TPCN2: variants seen among roughly 807,000 people sequenced by gnomAD.
The protein encoded by TPCN2 is two pore channel protein 2.
A neutral mutation model predicts 111.4 loss-of-function variants in TPCN2; 92 were observed. The ratio of observed to expected loss-of-function variants is 0.83; its 90% CI spans 0.70 to 0.98. The LOEUF (loss-of-function observed/expected upper bound fraction) is 0.98. TPCN2 is among the 50% of genes least tolerant of loss of function. TPCN2 has a pLI of 0.00. For synonymous variants in TPCN2, 405 were observed against 414.5 expected (o/e 0.98, Z 0.28); for missense variants, 995 against 980.1 (o/e 1.02, Z -0.20).
At chr11:69,054,185 A>G (rs1307645316) in intron 2 of TPCN2, 88 bp downstream of exon 2, 2 of 1,061,360 alleles carry the variant, frequency 1.9e-6, no homozygotes, top group African/African-American at 3.1e-5. Flanking sequence ...GACTGGGTCC[A>G]AGGCCTCCAT....
chr11:69,064,025 A>AG, intron 7 of TPCN2, 58 bp downstream of exon 7: 1 of 1,549,118 alleles, frequency 6.5e-7, no homozygotes, highest in East Asian at 2.3e-5. Flanking sequence ...TGACTAACAG[A>AG]GGGGGCTGGG....
rs1243125526 is a variant in TPCN2, at chr11:69,089,987, T to G, written c.*2034T>G. The G allele has an allele frequency of 6.6e-6, 1 of 152,358 alleles. No homozygotes were observed. 9.4% of individuals were successfully genotyped at this position (152,358 alleles called of 1,614,324 possible). A position where few individuals can be genotyped will look rare whatever the true frequency, so the allele number is the denominator to read the frequency against. ...TCTGGTGCAAAAAGATGTTCAAGCC[T>G]TATTTTATACTTGCCTGCCCCTTTC... On this transcript the variant is annotated 3_prime_UTR_variant, in exon 25 of 25. Coordinates refer to ENST00000294309, the MANE Select transcript of TPCN2 (RefSeq NM_139075.4).
chr11:69,082,577 T>C (rs1184953093), intron 18 of TPCN2, among the ~76,000 whole-genome samples: 1 of 149,880 alleles, frequency 6.7e-6, no homozygotes, highest in Admixed American at 6.6e-5. Flanking sequence ...TGATCGTGTG[T>C]GCACACATCG....
chr11:69,084,113 G>A (rs539014400), intron 19 of TPCN2, 97 bp downstream of exon 19: 22 of 1,266,098 alleles, frequency 1.7e-5, no homozygotes, highest in African/African-American at 7.3e-5. Flanking sequence ...CTGCTCTGTC[G>A]GTAGGAAGGT....
intron 23 of TPCN2, 125 bp downstream of exon 23, chr11:69,086,729 G>T (rs1017629778): frequency 5.5e-6 from 5 of 912,650 alleles, no homozygotes; most frequent in African/African-American, 4.9e-5. Flanking sequence ...TGGGTTAGGC[G>T]GGTCCTGAGT....
chr11:69,075,477 C>T (rs569863342), intron 13 of TPCN2, among the ~76,000 whole-genome samples: 74 of 152,312 alleles, frequency 4.9e-4, no homozygotes, highest in Non-Finnish European at 7.1e-4. Context: ...GTACATGCTC[C>T]GTACAGATGC....
chr11:69,087,148 C>A lies in TPCN2; in HGVS notation c.2122C>A (p.Gln708Lys). ...LHKWDPRSHL[Q>K]PLAGTPEATY... is the part of the protein sequence containing the mutation. ...CAAGTGGGACCCCCGCAGCCACCTGCAGCCCCTTGCTGGGACCCCAGAGGC... is the reference window on the plus strand; with the variant it reads ...CAAGTGGGACCCCCGCAGCCACCTGAAGCCCCTTGCTGGGACCCCAGAGGC... Residue 708 changes from glutamine (Q) to lysine (K), a missense_variant, in exon 24 of 25, where the codon CAG (glutamine) becomes AAG (lysine). By Grantham distance (53) the Gln-to-Lys change is moderately conservative. Transcript: ENST00000294309. 1.2e-6 allele frequency: 2 copies of A among 1,613,936 alleles called. No homozygotes were observed. Among genetic ancestry groups the A allele is most frequent in the South Asian group, 2.2e-5 (2 of 91,082 alleles).
chr11:69,077,296 T>C (rs146976492), intron 13 of TPCN2, among the ~76,000 whole-genome samples: 18,328 of 61,504 alleles, frequency 0.3, 4,956 homozygotes, highest in South Asian at 0.37. Context: ...GTCCCTCCAC[T>C]TGCCCTCCTG....
intron 20 of TPCN2, 87 bp downstream of exon 20, chr11:69,085,373 G>T: frequency 1.5e-6 from 2 of 1,325,084 alleles, no homozygotes; most frequent in East Asian, 2.3e-5. Flanking sequence ...AGTGGGCTCA[G>T]CATCTCAGGA....
chr11:69,081,185 C>T (rs1855991707), intron 17 of TPCN2, among the ~76,000 whole-genome samples: 2 of 152,042 alleles, frequency 1.3e-5, no homozygotes, highest in African/African-American at 2.4e-5. Context: ...GGGGTCGCTC[C>T]GGGGCTGCAG....
chr11:69,059,878 G>C (rs1015408933), intron 5 of TPCN2, among the ~76,000 whole-genome samples: 21 of 152,234 alleles, frequency 1.4e-4, no homozygotes, highest in African/African-American at 4.8e-4. Context: ...CTGGCTGAGT[G>C]GTTGTGCTAT....
At position 69,062,911 on chromosome 11, in the gene TPCN2, C is replaced by G; in HGVS notation, c.574C>G (p.Pro192Ala). The change falls in exon 6 of 25, where the codon CCC becomes GCC. Residue 192 changes from proline (P) to alanine (A), a missense_variant. By Grantham distance (27) the Pro-to-Ala change is conservative. Transcript: ENST00000294309. ...EPLRIRRLLR[P>A]FFLLQNSSMM... The stretch of plus-strand genomic sequence containing the variant: ...CCTGCGGATCCGCCGGCTTCTCCGT[C>G]CCTTCTTCCTGCTGCAGAACTCCTC... 6.2e-7 allele frequency: 1 copy of G among 1,614,008 alleles called. No homozygotes were observed. Among genetic ancestry groups the G allele is most frequent in the East Asian group, 2.2e-5 (1 of 44,846 alleles).
chr11:69,066,783 A>G (rs1565085691), intron 7 of TPCN2, among the ~76,000 whole-genome samples: 2 of 152,134 alleles, frequency 1.3e-5, no homozygotes, highest in Admixed American at 6.5e-5. Flanking sequence ...GGAACCACCC[A>G]TCTTCCAGCT....
intron 3 of TPCN2, 108 bp downstream of exon 3, chr11:69,054,905 A>C: frequency 8.7e-7 from 1 of 1,151,814 alleles, no homozygotes; most frequent in East Asian, 2.5e-5. Flanking sequence ...CAGGCTCCCC[A>C]CTACATAGAT....
intron 5 of TPCN2, among the ~76,000 whole-genome samples, chr11:69,059,785 A>G (rs890089345): frequency 1.3e-5 from 2 of 152,220 alleles, no homozygotes; most frequent in African/African-American, 4.8e-5. Context: ...CTGTCTGTCC[A>G]GGGAGGACAG....
intron 4 of TPCN2, 145 bp downstream of exon 4, chr11:69,055,497 T>C: frequency 1.1e-6 from 1 of 877,214 alleles, no homozygotes; most frequent in East Asian, 2.7e-5. Flanking sequence ...GCACACTTTC[T>C]TGGACAAGCA....
At chr11:69,064,095 C>T (rs1590718701) in intron 7 of TPCN2, 128 bp downstream of exon 7, 2 of 878,396 alleles carry the variant, frequency 2.3e-6, no homozygotes, top group East Asian at 2.6e-5. Flanking sequence ...TAGCAGTGGC[C>T]CATCTGGGGT....
chr11:69,061,474 T>C (rs1301616376), intron 5 of TPCN2, among the ~76,000 whole-genome samples: 1 of 152,150 alleles, frequency 6.6e-6, no homozygotes, highest in African/African-American at 2.4e-5. Context: ...GATTTGAGAT[T>C]GACAGGCGCC....
intron 7 of TPCN2, among the ~76,000 whole-genome samples, chr11:69,065,260 C>A (rs1227783439): frequency 3.3e-5 from 5 of 152,164 alleles, no homozygotes; most frequent in East Asian, 3.8e-4. Flanking sequence ...CGTCCAGTGA[C>A]CCCTGCAGTA....
Sources: allele counts gnomAD v4.1 joint callset (sites outside exome capture counted in the v4.1 genomes callset), GRCh38; gene constraint gnomAD v4.1.1; transcripts MANE v1.5; gene names NCBI Gene and HGNC (gene_info 2026-07-23, HGNC 2026-07-21).